Variants in HECW2 observed in about 807,000 individuals in gnomAD.
The protein encoded by HECW2 is E3 ubiquitin-protein ligase HECW2.
A neutral mutation model predicts 175.2 loss-of-function variants in HECW2; 61 were observed. That is an observed-to-expected ratio of 0.35 (90% CI 0.28 to 0.43). The LOEUF (loss-of-function observed/expected upper bound fraction) is 0.43, where lower values mean the gene tolerates loss of function less well. Ranked by LOEUF, HECW2 falls within the 20% of genes least tolerant of loss-of-function variation. The pLI is 1.00. For synonymous variants in HECW2, 671 were observed against 731.0 expected (o/e 0.92, Z 1.32); for missense variants, 1,524 against 2,000.5 (o/e 0.76, Z 4.54).
intron 3 of HECW2, among the ~76,000 whole-genome samples, chr2:196,337,639 T>C (rs977913522): frequency 6.6e-6 from 1 of 151,640 alleles, no homozygotes; most frequent in Non-Finnish European, 1.5e-5. Context: ...CTTATATGTA[T>C]CCAAATATAT....
At chr2:196,415,695 T>C (rs1285322459) in intron 2 of HECW2, among the ~76,000 whole-genome samples, 1 of 152,190 alleles carries the variant, frequency 6.6e-6, no homozygotes, top group Non-Finnish European at 1.5e-5. Flanking sequence ...GCTTTCTGCT[T>C]AAACTGGCCT....
chr2:196,248,771 A>C (rs144153242), intron 19 of HECW2, among the ~76,000 whole-genome samples: 36 of 152,300 alleles, frequency 2.4e-4, no homozygotes, highest in African/African-American at 8.2e-4. Context: ...GGGAGAAAGA[A>C]AACGAAGATC....
chr2:196,550,073 C>T (rs1378231894), intron 1 of HECW2, among the ~76,000 whole-genome samples: 1 of 152,172 alleles, frequency 6.6e-6, no homozygotes, highest in African/African-American at 2.4e-5. Context: ...GTTGGAGTTT[C>T]AACAGAGAAT....
At chr2:196,240,023 T>G (rs1688390028) in intron 21 of HECW2, 3 of 152,672 alleles carry the variant, frequency 2.0e-5, no homozygotes, top group Admixed American at 1.3e-4. Flanking sequence ...AGCAAGATTC[T>G]AATTCATGTT....
intron 21 of HECW2, among the ~76,000 whole-genome samples, chr2:196,228,558 A>C (rs1687935225): frequency 1.3e-5 from 2 of 152,248 alleles, no homozygotes; most frequent in African/African-American, 4.8e-5. Context: ...GATTATGTAA[A>C]CATGTATAAA....
At chr2:196,334,579 C>T in intron 3 of HECW2, 61 bp from the exon 4 acceptor site, 1 of 1,346,196 alleles carries the variant, frequency 7.4e-7, no homozygotes, top group Non-Finnish European at 1.0e-6. Flanking sequence ...GAGGAATCAG[C>T]TGTGGAAATC....
chr2:196,513,602 A>G (rs1432361240), intron 1 of HECW2, among the ~76,000 whole-genome samples: 1 of 152,260 alleles, frequency 6.6e-6, no homozygotes, highest in East Asian at 1.9e-4. Flanking sequence ...TTGGTGAGAA[A>G]AAAATCTCAT....
At chr2:196,567,350 G>A (rs1268776305) in intron 1 of HECW2, among the ~76,000 whole-genome samples, 3 of 152,204 alleles carry the variant, frequency 2.0e-5, no homozygotes, top group Non-Finnish European at 2.9e-5. Flanking sequence ...GCCTATTATA[G>A]CAGCTTAGCT....
At chr2:196,290,577 A>G (rs1690568489) in intron 14 of HECW2, 1 of 152,136 alleles carries the variant, frequency 6.6e-6, no homozygotes, top group Non-Finnish European at 1.5e-5. Context: ...CTCCTCATTC[A>G]TGATTCCAGG....
chr2:196,367,122 C>G (rs1693765104), intron 2 of HECW2, among the ~76,000 whole-genome samples: 4 of 152,282 alleles, frequency 2.6e-5, no homozygotes, highest in Admixed American at 1.3e-4. Flanking sequence ...CTAACATATT[C>G]ACATTAGTGA....
intron 1 of HECW2, among the ~76,000 whole-genome samples, chr2:196,544,136 G>C (rs1689322025): frequency 6.6e-6 from 1 of 152,228 alleles, no homozygotes; most frequent in Non-Finnish European, 1.5e-5. Context: ...ATTAAGGACA[G>C]TAACCAGTTT....
chr2:196,372,305 C>T (rs1693929152), intron 2 of HECW2, among the ~76,000 whole-genome samples: 1 of 152,206 alleles, frequency 6.6e-6, no homozygotes, highest in African/African-American at 2.4e-5. Context: ...GGTTTCCCTG[C>T]CTCCTAGTAA....
intron 1 of HECW2, among the ~76,000 whole-genome samples, chr2:196,456,040 C>T (rs1193604284): frequency 1.3e-5 from 2 of 151,940 alleles, no homozygotes; most frequent in Non-Finnish European, 2.9e-5. Context: ...ATTCATACCC[C>T]TATACTCCCA....
rs539604591 is a variant in HECW2, at chr2:196,360,559, G to C, written c.293-16795C>G. ...GAGCCTACTCGAGGGTGAAGGATGG[G>C]AGGAGAGAGAGGATCAGAAAAAAAA... On this transcript the variant is annotated intron_variant, in intron 2 of 28. Transcript: ENST00000644978. 1.4e-4 allele frequency among the ~76,000 whole-genome samples: 21 copies of C among 152,256 alleles called. No homozygotes were observed. In the South Asian group the frequency reaches 4.2e-3, roughly 30 times the overall value.
intron 21 of HECW2, among the ~76,000 whole-genome samples, chr2:196,233,605 A>T: frequency 6.6e-6 from 1 of 152,178 alleles, no homozygotes; most frequent in Non-Finnish European, 1.5e-5. Context: ...TTCTTGAGCC[A>T]ATTAAGAAAG....
intron 2 of HECW2, among the ~76,000 whole-genome samples, chr2:196,380,124 T>G (rs1160168516): frequency 6.6e-6 from 1 of 152,224 alleles, no homozygotes; most frequent in East Asian, 1.9e-4. Flanking sequence ...AGTTGTCCTG[T>G]GTGGCTATTT....
At chr2:196,377,732 T>C (rs1321418465) in intron 2 of HECW2, among the ~76,000 whole-genome samples, 1 of 152,232 alleles carries the variant, frequency 6.6e-6, no homozygotes, top group Non-Finnish European at 1.5e-5. Flanking sequence ...AATGCATGAA[T>C]GAAGCAAAGT....
intron 1 of HECW2, among the ~76,000 whole-genome samples, chr2:196,515,944 C>T (rs568754011): frequency 1.9e-4 from 28 of 145,852 alleles, no homozygotes; most frequent in East Asian, 7.9e-4. Context: ...GCCAACAGGG[C>T]GAAACCACCT....
intron 26 of HECW2, among the ~76,000 whole-genome samples, chr2:196,218,839 T>C (rs1012932401): frequency 1.3e-5 from 2 of 152,168 alleles, no homozygotes; most frequent in Non-Finnish European, 2.9e-5. Context: ...AAGAGATACA[T>C]GGATTATACT....
Sources: allele counts gnomAD v4.1 joint callset (sites outside exome capture counted in the v4.1 genomes callset), GRCh38; gene constraint gnomAD v4.1.1; transcripts MANE v1.5; gene names NCBI Gene and HGNC (gene_info 2026-07-23, HGNC 2026-07-21).